AGBL4: variants seen among roughly 807,000 people sequenced by gnomAD.
The protein encoded by AGBL4 is cytosolic carboxypeptidase 6.
AGBL4 carries 58 observed loss-of-function variants against 66.4 expected under a neutral mutation model. That is an observed-to-expected ratio of 0.87 (90% CI 0.71 to 1.09). The LOEUF is 1.09. Ranked by LOEUF, AGBL4 falls within the 50% of genes least tolerant of loss-of-function variation. The probability of loss-of-function intolerance (pLI) is 0.00; values close to 1 mark genes in which losing one functional copy is unlikely to be tolerated. For missense variants in AGBL4, 579 were observed against 631.0 expected (o/e 0.92, Z 0.88); for synonymous variants, 234 against 222.9 (o/e 1.05, Z -0.44).
At chr1:48,732,535 C>T (rs947410531) in intron 6 of AGBL4, among the ~76,000 whole-genome samples, 1 of 150,848 alleles carries the variant, frequency 6.6e-6, no homozygotes, top group African/African-American at 2.5e-5. Context: ...ATGTGACAGA[C>T]AGCAATGGAG....
At position 49,729,096 on chromosome 1, in the gene AGBL4, T is replaced by C. The variant is rs201215027; in HGVS notation, c.158-31659A>G. 5.3e-5 allele frequency among the ~76,000 whole-genome samples: 8 copies of C among 152,340 alleles called. No individual in the cohort carries two copies. In the East Asian group the frequency reaches 1.4e-3, roughly 26 times the overall value. Reference sequence around the variant, plus strand: ...TATCTAAGAGCTGTCAATAAATCTATTGTTAGAGATACATGTGAATAAAAG... The same window carrying C: ...TATCTAAGAGCTGTCAATAAATCTACTGTTAGAGATACATGTGAATAAAAG... On this transcript the variant is annotated intron_variant, in intron 2 of 13. Coordinates refer to ENST00000371839, the MANE Select transcript of AGBL4 (RefSeq NM_032785.4).
intron 1 of AGBL4, among the ~76,000 whole-genome samples, chr1:49,898,905 G>A (rs969532981): frequency 3.3e-5 from 5 of 152,108 alleles, no homozygotes; most frequent in African/African-American, 1.2e-4. Context: ...TTTTGTGTGT[G>A]GGAGCTAAAA....
At chr1:49,401,838 T>C (rs1645092616) in intron 3 of AGBL4, among the ~76,000 whole-genome samples, 1 of 152,176 alleles carries the variant, frequency 6.6e-6, no homozygotes, top group African/African-American at 2.4e-5. Flanking sequence ...AGAGTTTTTA[T>C]TATGGCTTTG....
intron 3 of AGBL4, among the ~76,000 whole-genome samples, chr1:49,540,828 A>C (rs1465655924): frequency 6.6e-6 from 1 of 152,192 alleles, no homozygotes; most frequent in Non-Finnish European, 1.5e-5. Flanking sequence ...CATTAAGCTA[A>C]GTCCAATCTT....
chr1:49,330,463 C>T (rs1007261806), intron 3 of AGBL4, among the ~76,000 whole-genome samples: 21 of 152,222 alleles, frequency 1.4e-4, no homozygotes, highest in Non-Finnish European at 2.2e-4. Context: ...AAAAGAAAAT[C>T]CCATGACATA....
chr1:49,570,456 G>A (rs1029150371), intron 3 of AGBL4, among the ~76,000 whole-genome samples: 1 of 151,942 alleles, frequency 6.6e-6, no homozygotes, highest in Non-Finnish European at 1.5e-5. Flanking sequence ...TTTTGTTGTG[G>A]TTTTTTGACT....
At chr1:48,805,242 C>T (rs1374265034) in intron 6 of AGBL4, among the ~76,000 whole-genome samples, 1 of 152,112 alleles carries the variant, frequency 6.6e-6, no homozygotes, top group African/African-American at 2.4e-5. Context: ...GGGAAGTTTT[C>T]TTAGAAATGA....
intron 3 of AGBL4, among the ~76,000 whole-genome samples, chr1:49,446,909 G>A (rs1646170283): frequency 6.6e-6 from 1 of 152,188 alleles, no homozygotes; most frequent in Non-Finnish European, 1.5e-5. Context: ...AGGCTCTCCT[G>A]CTTTCTGTGG....
At chr1:49,401,687 CTGGCCTCATT>C (rs1000530860) in intron 3 of AGBL4, among the ~76,000 whole-genome samples, 25 of 152,092 alleles carry the variant, frequency 1.6e-4, no homozygotes, top group African/African-American at 5.8e-4. Flanking sequence ...CAGGGTAATA[CTGGCCTCATT>C]TAATGAGTTT....
At chr1:49,529,749 T>C (rs1650946944) in intron 3 of AGBL4, among the ~76,000 whole-genome samples, 1 of 152,050 alleles carries the variant, frequency 6.6e-6, no homozygotes, top group South Asian at 2.1e-4. Context: ...TTGAGGTGTA[T>C]GTGAAATGCT....
chr1:49,238,119 C>A (rs1053758540), intron 4 of AGBL4, among the ~76,000 whole-genome samples: 1 of 151,948 alleles, frequency 6.6e-6, no homozygotes, highest in African/African-American at 2.4e-5. Flanking sequence ...TTTCAAGATT[C>A]TTTCTTTGTC....
Position 49,090,708 on chromosome 1 carries a change from A to G in AGBL4, c.378-44908T>C, listed in dbSNP as rs545039680. 5.9e-5 allele frequency among the ~76,000 whole-genome samples: 9 copies of G among 151,846 alleles called. No homozygotes were observed. In the East Asian group the frequency reaches 7.8e-4, roughly 13 times the overall value. ...TGCTATTCCTATCAAACTACCAATG[A>G]CACTCTTTGCAGAATTAGAAAAAAA... On this transcript the variant is annotated intron_variant, in intron 4 of 13. Transcript: ENST00000371839.
rs551143223 is a variant in AGBL4 at position 49,467,933 on chromosome 1, T to C, written c.283-222069A>G. 2.6e-5 allele frequency among the ~76,000 whole-genome samples: 4 copies of C among 152,020 alleles called. No homozygotes were observed. In the South Asian group the frequency reaches 6.2e-4, roughly 24 times the overall value. ...GGTAAGACATTTCATGCTTTTTAACTGTATTTTCTTAGGCCCTGATATGCA... is the reference window on the plus strand; with the variant it reads ...GGTAAGACATTTCATGCTTTTTAACCGTATTTTCTTAGGCCCTGATATGCA... On this transcript the variant is annotated intron_variant, in intron 3 of 13. Coordinates refer to ENST00000371839, the MANE Select transcript of AGBL4 (RefSeq NM_032785.4).
chr1:49,226,315 C>T (rs771621816), intron 4 of AGBL4, among the ~76,000 whole-genome samples: 16 of 152,026 alleles, frequency 1.1e-4, no homozygotes, highest in African/African-American at 3.6e-4. Context: ...GATTAAGGTG[C>T]ACAAAGATAT....
chr1:48,603,235 G>A lies in AGBL4; in HGVS notation c.952-12250C>T, dbSNP rs1274623113. 5.0e-4 allele frequency among the ~76,000 whole-genome samples: 76 copies of A among 152,038 alleles called. 1 individual carries two copies. The East Asian group carries it at 0.013, about 26-fold the overall frequency. ...GCCTGTAATCCCAGCTCTTTGGGAA[G>A]CTGAGGCAGGTGGATCATGAGGTCA... On this transcript the variant is annotated intron_variant, in intron 9 of 13. Coordinates refer to ENST00000371839, the MANE Select transcript of AGBL4 (RefSeq NM_032785.4).
chr1:48,753,574 G>A (rs2148638586), intron 6 of AGBL4, among the ~76,000 whole-genome samples: 2 of 152,320 alleles, frequency 1.3e-5, no homozygotes, highest in East Asian at 3.9e-4. Context: ...GGTTACAGAG[G>A]TATTAGTGAT....
At chr1:49,370,238 G>C (rs1309612116) in intron 3 of AGBL4, among the ~76,000 whole-genome samples, 3 of 150,922 alleles carry the variant, frequency 2.0e-5, no homozygotes, top group Non-Finnish European at 4.4e-5. Flanking sequence ...CAGAGAGAGA[G>C]TGAGATTGAT....
At chr1:49,186,516 T>A (rs1647019590) in intron 4 of AGBL4, among the ~76,000 whole-genome samples, 1 of 152,138 alleles carries the variant, frequency 6.6e-6, no homozygotes, top group East Asian at 1.9e-4. Context: ...AAAATGGTGA[T>A]AATAAAACCA....
chr1:50,011,005 G>A (rs1315351095), intron 1 of AGBL4, among the ~76,000 whole-genome samples: 2 of 151,962 alleles, frequency 1.3e-5, no homozygotes, highest in Non-Finnish European at 2.9e-5. Flanking sequence ...CAAAGCAAAG[G>A]ATACAATCAA....
Sources: gnomAD v4.1 joint callset for allele counts (sites outside exome capture counted in the v4.1 genomes callset) on GRCh38, gnomAD v4.1.1 for gene constraint, MANE v1.5 for transcripts, NCBI Gene and HGNC (gene_info 2026-07-23, HGNC 2026-07-21) for gene names.